CRIM1: variants seen among roughly 807,000 people sequenced by gnomAD.
The protein encoded by CRIM1 is cysteine-rich motor neuron 1 protein.
CRIM1 carries 32 observed loss-of-function variants against 116.4 expected under a neutral mutation model. The observed-to-expected ratio is 0.27, with a 90% CI of 0.21 to 0.37. The LOEUF is 0.37. Among genes scored for constraint, CRIM1 ranks in the 10% least tolerant of loss-of-function variants. The pLI, the probability that CRIM1 is intolerant of heterozygous loss-of-function variation, is 1.00. For missense variants in CRIM1, 1,331 were observed against 1,354.8 expected (o/e 0.98, Z 0.28); for synonymous variants, 590 against 509.2 (o/e 1.16, Z -2.13).
At chr2:36,405,142 A>G (rs555365482) in intron 2 of CRIM1, among the ~76,000 whole-genome samples, 1 of 152,256 alleles carries the variant, frequency 6.6e-6, no homozygotes, top group South Asian at 2.1e-4. Context: ...GCCATTTTTT[A>G]TTTATATAAC....
chr2:36,449,878 CAAAA>C (rs1385362408), intron 4 of CRIM1, among the ~76,000 whole-genome samples: 6 of 71,520 alleles, frequency 8.4e-5, no homozygotes, highest in Non-Finnish European at 1.5e-4. Context: ...CTTAAAAAAA[CAAAA>C]CAAAAAAAAA....
chr2:36,382,682 G>A (rs1670873682), intron 1 of CRIM1, among the ~76,000 whole-genome samples: 1 of 152,250 alleles, frequency 6.6e-6, no homozygotes, highest in South Asian at 2.1e-4. Flanking sequence ...GCTCCAGGCA[G>A]TGCTGCAGCT....
intron 2 of CRIM1, among the ~76,000 whole-genome samples, chr2:36,407,654 T>G (rs748703416): frequency 1.3e-5 from 2 of 151,228 alleles, no homozygotes; most frequent in African/African-American, 4.9e-5. Flanking sequence ...ATTTTAACTG[T>G]TGGAAGTCAT....
At chr2:36,420,676 A>C (rs923736087) in intron 2 of CRIM1, among the ~76,000 whole-genome samples, 33 of 152,150 alleles carry the variant, frequency 2.2e-4, no homozygotes, top group African/African-American at 8.0e-4. Flanking sequence ...TTTGCAGGAT[A>C]ATTAAGAGTT....
intron 15 of CRIM1, among the ~76,000 whole-genome samples, chr2:36,546,242 G>C (rs1667315250): frequency 6.6e-6 from 1 of 152,102 alleles, no homozygotes; most frequent in South Asian, 2.1e-4. Context: ...GGAAACTTTA[G>C]GGAGTGCCCC....
chr2:36,529,491 T>C (rs1298094387), intron 13 of CRIM1: 2 of 213,982 alleles, frequency 9.3e-6, no homozygotes, highest in Non-Finnish European at 1.9e-5. Flanking sequence ...AATGACATTT[T>C]TATATTTCCA....
rs848514 is a variant in CRIM1, at chr2:36,447,684, A to T, written c.869+4949A>T. Among the ~76,000 whole-genome samples the T allele has an allele frequency of 1.3e-5, 2 of 152,154 alleles. 1 individual carries two copies. Among genetic ancestry groups the T allele is most frequent in the Admixed American group, 1.3e-4 (2 of 15,300 alleles). ...TGTTGGTCAAAGGAAGTCCCAGGTCAAGCCCTCATTCAAAGGTTTGGAAAG... is the reference window on the plus strand; with the variant it reads ...TGTTGGTCAAAGGAAGTCCCAGGTCTAGCCCTCATTCAAAGGTTTGGAAAG... On this transcript the variant is annotated intron_variant, in intron 4 of 16. Coordinates refer to ENST00000280527, the MANE Select transcript of CRIM1 (RefSeq NM_016441.3).
chr2:36,532,630 C>A (rs1401446970), intron 13 of CRIM1, among the ~76,000 whole-genome samples: 1 of 152,208 alleles, frequency 6.6e-6, no homozygotes, highest in Admixed American at 6.5e-5. Flanking sequence ...CTTGTCCGGG[C>A]AAGTGGTCCC....
chr2:36,442,378 CT>C (rs1675915015), intron 3 of CRIM1, among the ~76,000 whole-genome samples: 1 of 151,992 alleles, frequency 6.6e-6, no homozygotes, highest in South Asian at 2.1e-4. Flanking sequence ...TGGTTTAATT[CT>C]TTCTCTGTCT....
chr2:36,471,726 A>C (rs1479451855), intron 5 of CRIM1, among the ~76,000 whole-genome samples: 12 of 78,924 alleles, frequency 1.5e-4, no homozygotes, highest in African/African-American at 6.4e-4. Context: ...GATTAGCTTA[A>C]ACACACACAC....
chr2:36,490,778 G>A (rs535358303), intron 7 of CRIM1, among the ~76,000 whole-genome samples: 2 of 152,210 alleles, frequency 1.3e-5, no homozygotes, highest in Admixed American at 6.5e-5. Context: ...ATCCTGTCAG[G>A]CTTGACCTCT....
chr2:36,422,927 A>G (rs1674179395), intron 2 of CRIM1, among the ~76,000 whole-genome samples: 1 of 152,350 alleles, frequency 6.6e-6, no homozygotes, highest in Non-Finnish European at 1.5e-5. Flanking sequence ...GACTGGTTAC[A>G]GAAATACTGC....
intron 6 of CRIM1, 145 bp downstream of exon 6, chr2:36,477,216 CT>C: frequency 1.5e-6 from 1 of 652,076 alleles, no homozygotes; most frequent in Non-Finnish European, 2.5e-6. Context: ...CATGGTCTGT[CT>C]TTTAGCATGT....
chr2:36,393,905 G>A (rs1279255219), intron 1 of CRIM1, among the ~76,000 whole-genome samples: 1 of 152,216 alleles, frequency 6.6e-6, no homozygotes, highest in East Asian at 1.9e-4. Context: ...CTGATATTCA[G>A]CAGTAAGAAG....
chr2:36,537,461 G>C lies in CRIM1; in HGVS notation c.2538G>C (p.Gln846His). The C allele has an allele frequency of 6.2e-7, 1 of 1,614,252 alleles. No individual in the cohort carries two copies. Among genetic ancestry groups the C allele is most frequent in the Non-Finnish European group, 8.5e-7 (1 of 1,180,046 alleles). Residue 846 changes from glutamine to histidine, a missense_variant, in exon 14 of 17, where the codon CAG becomes CAC. Gln to His is a conservative substitution (Grantham distance 24). This residue lies in a region of CRIM1 where 283 missense variants were observed against 242.8 expected (regional missense o/e 1.17). Transcript: ENST00000280527. ...CCCACTGCTACTGCCTGCAGGGCCA[G>C]ACCCTCTGCTCGACCGTCAGCTGCC... Reference protein sequence around the residue: ...SCTHCYCLQGQTLCSTVSCPP... With the variant: ...SCTHCYCLQGHTLCSTVSCPP...
chr2:36,482,102 TG>T (rs1216715018), intron 7 of CRIM1, among the ~76,000 whole-genome samples: 1 of 152,168 alleles, frequency 6.6e-6, no homozygotes, highest in Non-Finnish European at 1.5e-5. Flanking sequence ...TCAGCATCCT[TG>T]TCATTTCAGC....
chr2:36,463,818 G>C (rs1384991732), intron 4 of CRIM1, among the ~76,000 whole-genome samples: 1 of 152,198 alleles, frequency 6.6e-6, no homozygotes, highest in Non-Finnish European at 1.5e-5. Flanking sequence ...CATGCGTGCA[G>C]AGAGATCGAT....
At chr2:36,507,592 A>C (rs1310005775) in intron 8 of CRIM1, among the ~76,000 whole-genome samples, 24 of 152,230 alleles carry the variant, frequency 1.6e-4, no homozygotes, top group Admixed American at 1.6e-3. Flanking sequence ...AATGGTCCCA[A>C]TTCAGGGCAG....
At chr2:36,428,993 T>C (rs1390902579) in intron 2 of CRIM1, among the ~76,000 whole-genome samples, 1 of 152,206 alleles carries the variant, frequency 6.6e-6, no homozygotes, top group Non-Finnish European at 1.5e-5. Flanking sequence ...CCTTTTCCCA[T>C]AATGCTGTTT....
Sources: allele counts gnomAD v4.1 joint callset (sites outside exome capture counted in the v4.1 genomes callset), GRCh38; gene constraint gnomAD v4.1.1; regional missense constraint gnomAD v4.1.1; transcripts MANE v1.5; gene names NCBI Gene and HGNC (gene_info 2026-07-23, HGNC 2026-07-21).